EML6: variants seen among roughly 807,000 people sequenced by gnomAD.
The protein encoded by EML6 is EMAP like 6.
EML6 carries 154 observed loss-of-function variants against 240.1 expected under a neutral mutation model. That is an observed-to-expected ratio of 0.64 (90% CI 0.56 to 0.73). The LOEUF (loss-of-function observed/expected upper bound fraction) is 0.73, where lower values mean the gene tolerates loss of function less well. Ranked by LOEUF, EML6 falls within the 30% of genes least tolerant of loss-of-function variation. EML6 has a pLI of 0.00. For synonymous variants in EML6, 1,148 were observed against 899.0 expected, an observed-to-expected ratio of 1.28 and a Z score of -4.95; for missense variants, 2,964 against 2,474.6, an observed-to-expected ratio of 1.20 and a Z score of -4.20.
intron 13 of EML6, among the ~76,000 whole-genome samples, chr2:54,865,407 A>T (rs1670920236): frequency 6.6e-6 from 1 of 152,000 alleles, no homozygotes; most frequent in African/African-American, 2.4e-5. Context: ...AGCCCAGGAG[A>T]TTGAGGGCTA....
intron 16 of EML6, among the ~76,000 whole-genome samples, chr2:54,877,096 A>G (rs896673437): frequency 6.6e-6 from 1 of 151,728 alleles, no homozygotes; most frequent in African/African-American, 2.4e-5. Flanking sequence ...GATCCTCCCA[A>G]CTCAGCCTCC....
chr2:54,949,682 T>G (rs1675874934), intron 29 of EML6, among the ~76,000 whole-genome samples: 1 of 152,220 alleles, frequency 6.6e-6, no homozygotes, highest in Admixed American at 6.5e-5. Context: ...CCTTCAGACC[T>G]GGGAGAGTCC....
intron 19 of EML6, among the ~76,000 whole-genome samples, chr2:54,893,815 G>A (rs577516774): frequency 7.2e-4 from 110 of 152,186 alleles, no homozygotes; most frequent in African/African-American, 2.3e-3. Context: ...CAACTGTAAC[G>A]GTTGTTTTGC....
intron 28 of EML6, among the ~76,000 whole-genome samples, chr2:54,936,022 C>T (rs541903521): frequency 6.6e-6 from 1 of 152,156 alleles, no homozygotes; most frequent in Non-Finnish European, 1.5e-5. Context: ...AGAGCGAGAC[C>T]CTGTCCGTGA....
At chr2:54,944,103 C>G (rs1267576909) in intron 28 of EML6, among the ~76,000 whole-genome samples, 1 of 152,100 alleles carries the variant, frequency 6.6e-6, no homozygotes, top group Non-Finnish European at 1.5e-5. Context: ...TCTTTTCACC[C>G]TCTACCATCT....
chr2:54,936,511 A>C (rs1372402105), intron 28 of EML6, among the ~76,000 whole-genome samples: 1 of 152,254 alleles, frequency 6.6e-6, no homozygotes, highest in Non-Finnish European at 1.5e-5. Context: ...CTTTATAATA[A>C]GATACAGAAT....
chr2:54,865,970 G>C (rs1047520478), intron 13 of EML6, among the ~76,000 whole-genome samples: 3 of 151,824 alleles, frequency 2.0e-5, no homozygotes, highest in African/African-American at 7.3e-5. Flanking sequence ...AAAGCATCAT[G>C]AATTAAGTTG....
Position 54,850,068 on chromosome 2 carries a change from G to C in EML6, c.1294G>C (p.Val432Leu). 1.9e-6 allele frequency: 3 copies of C among 1,552,094 alleles called. No homozygotes were observed. The highest frequency in any genetic ancestry group is 2.6e-6 in the Non-Finnish European group (3 of 1,147,054). ...YLAVGSNDGPVDVYAVAQRYK... is the reference protein window; with the variant it reads ...YLAVGSNDGPLDVYAVAQRYK... ...TGCAGTGGGATCCAATGATGGCCCA[G>C]TAGATGTCTATGCTGTTGCCCAGAG... Residue 432 changes from valine to leucine, a missense_variant, in exon 10 of 42, where the codon GTA becomes CTA. Transcript: ENST00000356458.
chr2:54,876,923 C>G (rs1671535761), intron 16 of EML6, among the ~76,000 whole-genome samples: 1 of 152,030 alleles, frequency 6.6e-6, no homozygotes, highest in Admixed American at 6.6e-5. Flanking sequence ...TAATATAACA[C>G]CAGAACTTAC....
intron 24 of EML6, among the ~76,000 whole-genome samples, chr2:54,907,147 T>C (rs1673366711): frequency 6.6e-6 from 1 of 152,114 alleles, no homozygotes; most frequent in African/African-American, 2.4e-5. Flanking sequence ...AGAGAAAACA[T>C]AGAAAGGGTA....
chr2:54,886,421 C>T (rs1006754003), intron 17 of EML6, among the ~76,000 whole-genome samples: 4 of 152,150 alleles, frequency 2.6e-5, no homozygotes, highest in Non-Finnish European at 5.9e-5. Flanking sequence ...CCGCCCACCT[C>T]AGCCCCCCAG....
intron 2 of EML6, among the ~76,000 whole-genome samples, chr2:54,795,010 A>G (rs1425551803): frequency 6.6e-6 from 1 of 152,114 alleles, no homozygotes; most frequent in Non-Finnish European, 1.5e-5. Flanking sequence ...TTTACCTCAG[A>G]ATTTTACCAC....
intron 17 of EML6, among the ~76,000 whole-genome samples, chr2:54,883,739 AAC>A (rs1671967996): frequency 6.6e-6 from 1 of 152,134 alleles, no homozygotes; most frequent in Non-Finnish European, 1.5e-5. Context: ...TGTGTGCACA[AAC>A]ACACCTACAC....
chr2:54,902,354 A>G (rs1324196233), intron 22 of EML6, among the ~76,000 whole-genome samples: 3 of 152,152 alleles, frequency 2.0e-5, no homozygotes, highest in Non-Finnish European at 4.4e-5. Flanking sequence ...TTGAAAATGT[A>G]TTTTTGATAT....
intron 2 of EML6, among the ~76,000 whole-genome samples, chr2:54,791,550 C>T (rs1213323121): frequency 6.6e-6 from 1 of 152,144 alleles, no homozygotes; most frequent in African/African-American, 2.4e-5. Flanking sequence ...TAGTTCCAGT[C>T]AGTGGATTCT....
intron 26 of EML6, among the ~76,000 whole-genome samples, chr2:54,921,239 T>A (rs1674234190): frequency 6.6e-6 from 1 of 152,024 alleles, no homozygotes; most frequent in Admixed American, 6.6e-5. Context: ...GCTATTAGAA[T>A]TAATAAAGTC....
At position 54,944,893 on chromosome 2, in the gene EML6, G is replaced by A. The variant is rs77089440; in HGVS notation, c.4005-3989G>A. On this transcript the variant is annotated intron_variant, in intron 28 of 41. Transcript: ENST00000356458. ...ACAGTCCAGTTTGGTCTTGATAACA[G>A]AGAGGCCCCCTGGCTTTGGAGATTT... 2.0e-5 allele frequency among the ~76,000 whole-genome samples: 3 copies of A among 152,012 alleles called. No individual in the cohort carries two copies. In the East Asian group the frequency reaches 5.8e-4, roughly 29 times the overall value.
Position 54,970,160 on chromosome 2 carries a change from T to C in EML6, c.*65T>C. ...CAGCCAGCAACTGCAGAGGCCATGCTGAGGTGCCTCCTTGCCACCAGCCGT... is the reference window on the plus strand; with the variant it reads ...CAGCCAGCAACTGCAGAGGCCATGCCGAGGTGCCTCCTTGCCACCAGCCGT... On this transcript the variant is annotated 3_prime_UTR_variant, in exon 42 of 42. Transcript: ENST00000356458. 1.3e-6 allele frequency: 2 copies of C among 1,502,180 alleles called. No homozygotes were observed. 93.1% of individuals were successfully genotyped at this position (1,502,180 alleles called of 1,614,324 possible).
At chr2:54,783,838 C>T (rs1040723009) in intron 2 of EML6, among the ~76,000 whole-genome samples, 1 of 152,170 alleles carries the variant, frequency 6.6e-6, no homozygotes, top group African/African-American at 2.4e-5. Context: ...ACTGTACATG[C>T]TATTTTGTAT....
Sources: gnomAD v4.1 joint callset for allele counts (sites outside exome capture counted in the v4.1 genomes callset) on GRCh38, gnomAD v4.1.1 for gene constraint, MANE v1.5 for transcripts, NCBI Gene and HGNC (gene_info 2026-07-23, HGNC 2026-07-21) for gene names.